GRK5: variants seen among roughly 807,000 people sequenced by gnomAD.
GRK5 encodes the protein G protein-coupled receptor kinase 5.
Under a neutral mutation model 78.4 loss-of-function variants are expected in GRK5, and 40 were observed. That is an observed-to-expected ratio of 0.51 (90% CI 0.40 to 0.66). GRK5 has a LOEUF of 0.66. GRK5 is among the 30% of genes least tolerant of loss of function. The probability of loss-of-function intolerance (pLI) is 0.00; values close to 1 mark genes in which losing one functional copy is unlikely to be tolerated. For synonymous variants in GRK5, 289 were observed against 296.8 expected (o/e 0.97, Z 0.27); for missense variants, 598 against 759.9 (o/e 0.79, Z 2.50).
At chr10:119,435,759 T>A (rs2133900083) in intron 8 of GRK5, among the ~76,000 whole-genome samples, 1 of 152,364 alleles carries the variant, frequency 6.6e-6, no homozygotes, top group South Asian at 2.1e-4. Context: ...TTTGGGTATT[T>A]TTTTCAGCAG....
At chr10:119,261,423 C>G (rs1426854548) in intron 1 of GRK5, among the ~76,000 whole-genome samples, 1 of 148,572 alleles carries the variant, frequency 6.7e-6, no homozygotes, top group Admixed American at 6.7e-5. Context: ...GACTGGGCAG[C>G]CAGGCAGAGG....
intron 1 of GRK5, among the ~76,000 whole-genome samples, chr10:119,292,174 TCTTCCTCCTCCTC>T (rs1258087214): frequency 1.9e-5 from 2 of 104,444 alleles, no homozygotes; most frequent in African/African-American, 3.6e-5. Flanking sequence ...CTCCTCCTCC[TCTTCCTCCTCCTC>T]CTCTTCCTCC....
chr10:119,424,927 A>G lies in GRK5; in HGVS notation c.441-66A>G. ...TACTTGCATTTCCAAAGCTGGACAC[A>G]GCTTTGCCCCCCTGCTTGAAGATCG... On this transcript the variant is annotated intron_variant, in intron 5 of 15. Transcript: ENST00000392870. 3.5e-6 allele frequency: 4 copies of G among 1,147,844 alleles called. 1 individual carries two copies. In the South Asian group the frequency reaches 3.7e-5, roughly 11 times the overall value. 71.1% of individuals were successfully genotyped at this position (1,147,844 alleles called of 1,614,324 possible). A position where few individuals can be genotyped will look rare whatever the true frequency, so the allele number is the denominator to read the frequency against.
intron 2 of GRK5, among the ~76,000 whole-genome samples, chr10:119,377,644 G>C (rs1312018394): frequency 1.3e-5 from 2 of 152,136 alleles, no homozygotes; most frequent in African/African-American, 4.8e-5. Context: ...GAATCGCATG[G>C]TGTTTACTGT....
In GRK5 at chr10:119,400,855, C is replaced by T. The variant is rs566624245; in HGVS notation, c.339+4083C>T. ...GGATGGGGAGGAACAAAGGGCCTTG[C>T]GAAACGGCAGAAGGAGGATGCCCTT... On this transcript the variant is annotated intron_variant, in intron 4 of 15. Transcript: ENST00000392870. Among the ~76,000 whole-genome samples the T allele has an allele frequency of 6.6e-5, 10 of 152,272 alleles. No homozygotes were observed. In the East Asian group the frequency reaches 1.5e-3, roughly 24 times the overall value.
At chr10:119,246,645 T>C (rs7898863) in intron 1 of GRK5, among the ~76,000 whole-genome samples, 151,691 of 152,342 alleles carry the variant, frequency 1, 75,524 homozygotes, top group Middle Eastern at 1. Flanking sequence ...CAAGAAGTGG[T>C]GTCTGGAGGC....
intron 1 of GRK5, among the ~76,000 whole-genome samples, chr10:119,228,176 A>G (rs1848769721): frequency 6.6e-6 from 1 of 152,038 alleles, no homozygotes; most frequent in Non-Finnish European, 1.5e-5. Context: ...TCTACAAAAA[A>G]CAAAAACAAA....
At chr10:119,410,215 C>T (rs750106410) in intron 4 of GRK5, among the ~76,000 whole-genome samples, 1 of 152,170 alleles carries the variant, frequency 6.6e-6, no homozygotes, top group Non-Finnish European at 1.5e-5. Flanking sequence ...CGTAAAGGGT[C>T]GGGGTCTGGG....
chr10:119,268,122 C>T (rs1849530591), intron 1 of GRK5, among the ~76,000 whole-genome samples: 1 of 152,168 alleles, frequency 6.6e-6, no homozygotes, highest in Non-Finnish European at 1.5e-5. Context: ...ACTGGCCTCA[C>T]CCACAGCTCC....
intron 1 of GRK5, among the ~76,000 whole-genome samples, chr10:119,272,360 T>C (rs536907168): frequency 3.2e-4 from 49 of 152,252 alleles, no homozygotes; most frequent in Middle Eastern, 3.4e-3. Context: ...GCGGATCACC[T>C]GAGGTCAGGA....
chr10:119,394,653 G>A lies in GRK5; in HGVS notation c.262-2042G>A, dbSNP rs1564917832. ...GGTGTGTGTGTGGGTGTGTGTGTGG[G>A]TGTGTGTATCTGTGTCTGTGGGCAC... is the stretch of plus-strand genomic sequence containing the variant. On this transcript the variant is annotated intron_variant, in intron 3 of 15. Coordinates refer to ENST00000392870, the MANE Select transcript of GRK5 (RefSeq NM_005308.3). 5.7e-4 allele frequency among the ~76,000 whole-genome samples: 2 copies of A among 3,498 alleles called. 1 individual carries two copies. The allele number at this position is 3,498 out of a possible 152,430, so 2.3% of individuals were successfully genotyped here. A position where few individuals can be genotyped will look rare whatever the true frequency, so the allele number is the denominator to read the frequency against.
chr10:119,223,758 C>T lies in GRK5; in HGVS notation c.52+15789C>T, dbSNP rs138774273. Among the ~76,000 whole-genome samples, 3 of 150,550 alleles carry T rather than the reference C, an allele frequency of 2.0e-5. No individual in the cohort carries two copies. The East Asian group carries it at 5.8e-4, about 29-fold the overall frequency. ...ATATTAGATAGGCTTCTTGCCTCACCCACTAAATTGTAGACTTCCTGAGGG... is the reference window on the plus strand; with the variant it reads ...ATATTAGATAGGCTTCTTGCCTCACTCACTAAATTGTAGACTTCCTGAGGG... On this transcript the variant is annotated intron_variant, in intron 1 of 15. Transcript: ENST00000392870.
intron 1 of GRK5, among the ~76,000 whole-genome samples, chr10:119,227,048 G>A (rs1236530707): frequency 3.3e-5 from 5 of 152,050 alleles, no homozygotes; most frequent in African/African-American, 4.8e-5. Context: ...TAGTAAAGAC[G>A]TTTCACTGTG....
At chr10:119,418,748 T>G (rs1170513572) in intron 4 of GRK5, among the ~76,000 whole-genome samples, 1 of 152,126 alleles carries the variant, frequency 6.6e-6, no homozygotes, top group Non-Finnish European at 1.5e-5. Flanking sequence ...ACTGTTGTGT[T>G]AAAGTCGAGG....
intron 12 of GRK5, among the ~76,000 whole-genome samples, chr10:119,444,483 G>A (rs1210389757): frequency 6.6e-6 from 1 of 152,160 alleles, no homozygotes; most frequent in East Asian, 1.9e-4. Context: ...CTAGTGGCTG[G>A]CTTTGTGGGG....
chr10:119,436,880 G>A (rs370566291), intron 9 of GRK5, 39 bp downstream of exon 9: 17 of 1,545,164 alleles, frequency 1.1e-5, no homozygotes, highest in East Asian at 4.6e-5. Context: ...GTCTAAGTCC[G>A]AGGGGGTGGG....
At chr10:119,370,570 T>A (rs1389513843) in intron 2 of GRK5, among the ~76,000 whole-genome samples, 1 of 152,190 alleles carries the variant, frequency 6.6e-6, no homozygotes, top group Non-Finnish European at 1.5e-5. Flanking sequence ...TCCTTTTTCC[T>A]CTCCTGCGCC....
Position 119,425,067 on chromosome 10 carries a change from A to G in GRK5, c.515A>G (p.Gln172Arg). ...LDSMFFDRFL[Q>R]WKWLERQPVT... ...AGCATGTTTTTTGACCGCTTTCTCC[A>G]GTGGAAGTGGTTGGAAAGGTGAGTC... is the stretch of plus-strand genomic sequence containing the variant. The change falls in exon 6 of 16, where the codon CAG becomes CGG. Residue 172 changes from glutamine to arginine, a missense_variant. By Grantham distance (43) the Gln-to-Arg change is conservative. Coordinates refer to ENST00000392870, the MANE Select transcript of GRK5 (RefSeq NM_005308.3). 5 of 1,613,076 alleles carry G rather than the reference A, an allele frequency of 3.1e-6. No homozygotes were observed. Among genetic ancestry groups the G allele is most frequent in the Non-Finnish European group, 3.4e-6 (4 of 1,179,040 alleles).
intron 2 of GRK5, among the ~76,000 whole-genome samples, chr10:119,327,709 G>T (rs1309014149): frequency 6.6e-6 from 1 of 152,152 alleles, no homozygotes; most frequent in Non-Finnish European, 1.5e-5. Context: ...GGCTTGCTCC[G>T]TCCTGGCCCT....
Sources: gnomAD v4.1 joint callset for allele counts (sites outside exome capture counted in the v4.1 genomes callset) on GRCh38, gnomAD v4.1.1 for gene constraint, MANE v1.5 for transcripts, NCBI Gene and HGNC (gene_info 2026-07-23, HGNC 2026-07-21) for gene names.